Variants in METTL15 observed in about 807,000 individuals in gnomAD.
METTL15 encodes 12S rRNA N(4)-cytidine methyltransferase METTL15.
In METTL15, 34 loss-of-function variants were observed where a neutral mutation model predicts 38.3. The ratio of observed to expected loss-of-function variants is 0.89; its 90% CI spans 0.68 to 1.18. METTL15 has a LOEUF of 1.18. Ranked by LOEUF, METTL15 falls within the 50% of genes most tolerant of loss-of-function variation. METTL15 has a pLI of 0.00. For missense variants in METTL15, 438 were observed against 498.4 expected (o/e 0.88, Z 1.15); for synonymous variants, 162 against 170.9 (o/e 0.95, Z 0.41).
chr11:28,399,994 T>C (rs1850614972), intron 5 of METTL15, among the ~76,000 whole-genome samples: 2 of 151,916 alleles, frequency 1.3e-5, no homozygotes, highest in African/African-American at 4.8e-5. Context: ...ACTTTTAAGA[T>C]AATAAGACTT....
chr11:28,263,043 C>A (rs542678555), intron 4 of METTL15, among the ~76,000 whole-genome samples: 1 of 151,966 alleles, frequency 6.6e-6, no homozygotes, highest in African/African-American at 2.4e-5. Context: ...CCATTTTAAT[C>A]TCTTAAAAAA....
intron 3 of METTL15, chr11:28,121,993 C>A: frequency 2.6e-6 from 1 of 385,458 alleles, no homozygotes; most frequent in Non-Finnish European, 3.8e-6. Context: ...TACTAGACAA[C>A]AATTAAATGT....
intron 6 of METTL15, chr11:28,424,469 G>A: frequency 6.6e-6 from 1 of 152,302 alleles, no homozygotes; most frequent in Non-Finnish European, 1.5e-5. Context: ...AAGACAGGTA[G>A]GAGGGAAGCA....
chr11:28,431,296 AGAACAG>A (rs1373960081), intron 6 of METTL15, among the ~76,000 whole-genome samples: 3 of 145,446 alleles, frequency 2.1e-5, no homozygotes, highest in Non-Finnish European at 4.6e-5. Flanking sequence ...CAGCTCATTG[AGAACAG>A]GCCAGGATGA....
chr11:28,363,075 T>C (rs1850154016), intron 5 of METTL15, among the ~76,000 whole-genome samples: 1 of 152,228 alleles, frequency 6.6e-6, no homozygotes, highest in Non-Finnish European at 1.5e-5. Flanking sequence ...TAGTATATAA[T>C]CGTGATTTTA....
intron 3 of METTL15, chr11:28,134,536 C>A: frequency 2.5e-6 from 1 of 398,460 alleles, no homozygotes; most frequent in Non-Finnish European, 4.4e-6. Flanking sequence ...CCTTTCATTC[C>A]CTCCTTCAGC....
intron 5 of METTL15, among the ~76,000 whole-genome samples, chr11:28,290,983 A>G (rs1406202067): frequency 2.0e-5 from 3 of 151,932 alleles, no homozygotes; most frequent in African/African-American, 4.8e-5. Context: ...TTTATTCTCC[A>G]TTATTCAAAT....
At chr11:28,346,454 T>A (rs1242125815) in intron 3 of METTL15, among the ~76,000 whole-genome samples, 1 of 152,174 alleles carries the variant, frequency 6.6e-6, no homozygotes, top group Non-Finnish European at 1.5e-5. Context: ...TCTGGAGGAC[T>A]TTTTAGGCAC....
chr11:28,378,373 G>T (rs1264090979), intron 5 of METTL15, among the ~76,000 whole-genome samples: 3 of 152,208 alleles, frequency 2.0e-5, no homozygotes, highest in Non-Finnish European at 2.9e-5. Context: ...CGCTTTTTAA[G>T]CCTGTCGGAA....
downstream of METTL15, among the ~76,000 whole-genome samples, chr11:28,530,640 G>A (rs1017274408): frequency 2.6e-5 from 4 of 151,932 alleles, no homozygotes; most frequent in African/African-American, 7.2e-5. Flanking sequence ...AAAGACATGC[G>A]CACAATTGAC....
rs1246138312 is a variant in METTL15, at chr11:28,503,383, T to TTTATTC, written c.*425-23091_*425-23086dup. Among the ~76,000 whole-genome samples, 3 of 152,234 alleles carry TTTATTC rather than the reference T, an allele frequency of 2.0e-5. No individual in the cohort carries two copies. The East Asian group carries it at 5.8e-4, about 29-fold the overall frequency. On this transcript the variant is annotated intron_variant and NMD_transcript_variant, in intron 6 of 7. Transcript: ENST00000532947. Reference sequence around the variant, plus strand: ...GAGCATTGTGCTAAACATAGCTAACTTTATTCTTACTCAGAAACCGTATAA... The same window carrying TTTATTC: ...GAGCATTGTGCTAAACATAGCTAACTTTATTCTTATTCTTACTCAGAAACCGTATAA...
intron 6 of METTL15, among the ~76,000 whole-genome samples, chr11:28,463,536 A>G (rs1377667230): frequency 2.0e-5 from 3 of 152,178 alleles, no homozygotes; most frequent in Non-Finnish European, 2.9e-5. Context: ...TATATTAAAG[A>G]AGGAAAAAAT....
intron 4 of METTL15, among the ~76,000 whole-genome samples, chr11:28,273,393 G>A (rs1375274680): frequency 1.3e-5 from 2 of 152,022 alleles, no homozygotes; most frequent in Admixed American, 6.6e-5. Flanking sequence ...TGTGTTACTA[G>A]ATAAAATCAT....
chr11:28,414,981 A>T (rs971434590), intron 5 of METTL15, among the ~76,000 whole-genome samples: 15 of 152,194 alleles, frequency 9.9e-5, no homozygotes, highest in African/African-American at 1.4e-4. Context: ...ATTCCTTAAG[A>T]TTCAGAAAAT....
chr11:28,112,297 C>G (rs1851750748), intron 2 of METTL15, among the ~76,000 whole-genome samples: 1 of 152,226 alleles, frequency 6.6e-6, no homozygotes, highest in East Asian at 1.9e-4. Context: ...TCCATTCATT[C>G]ATTTTCTTCA....
chr11:28,321,417 A>G (rs911144963), intron 6 of METTL15, among the ~76,000 whole-genome samples: 2 of 152,190 alleles, frequency 1.3e-5, no homozygotes, highest in Non-Finnish European at 2.9e-5. Flanking sequence ...TAGAAGTATT[A>G]TAATTTTTTA....
intron 5 of METTL15, among the ~76,000 whole-genome samples, chr11:28,389,266 AC>A (rs2133391797): frequency 6.6e-6 from 1 of 150,804 alleles, no homozygotes; most frequent in East Asian, 2.0e-4. Context: ...GTTTTACGGT[AC>A]ATGTGCACAA....
chr11:28,211,585 G>C (rs1044554713), intron 4 of METTL15, among the ~76,000 whole-genome samples: 1 of 152,054 alleles, frequency 6.6e-6, no homozygotes, highest in Non-Finnish European at 1.5e-5. Flanking sequence ...TAGAACTCAT[G>C]AGGACATATA....
At chr11:28,379,077 GT>G (rs1455520322) in intron 5 of METTL15, among the ~76,000 whole-genome samples, 3 of 151,460 alleles carry the variant, frequency 2.0e-5, no homozygotes, top group African/African-American at 7.3e-5. Flanking sequence ...TCTCCATTTT[GT>G]TTCTGATTTT....
Sources: allele counts gnomAD v4.1 joint callset (sites outside exome capture counted in the v4.1 genomes callset), GRCh38; gene constraint gnomAD v4.1.1; transcripts MANE v1.5; gene names NCBI Gene and HGNC (gene_info 2026-07-23, HGNC 2026-07-21).